Variants in DLC1 observed in about 807,000 individuals in gnomAD.
DLC1 encodes DLC1 Rho GTPase activating protein, also known as rho GTPase-activating protein 7.
A neutral mutation model predicts 140.3 loss-of-function variants in DLC1; 54 were observed. The ratio of observed to expected loss-of-function variants is 0.38; its 90% CI spans 0.31 to 0.48. DLC1 has a LOEUF of 0.48. Among genes scored for constraint, DLC1 ranks in the 20% least tolerant of loss-of-function variants. The pLI, the probability that DLC1 is intolerant of heterozygous loss-of-function variation, is 0.96. For missense variants in DLC1, 2,536 were observed against 1,907.0 expected (o/e 1.33, Z -6.14); for synonymous variants, 986 against 728.1 (o/e 1.35, Z -5.70).
intron 5 of DLC1, among the ~76,000 whole-genome samples, chr8:13,224,117 G>A (rs970926697): frequency 6.6e-6 from 1 of 152,056 alleles, no homozygotes; most frequent in South Asian, 2.1e-4. Flanking sequence ...ATCTGGGATC[G>A]TTCTTTGTTA....
rs1008427638 is a variant in DLC1 at position 13,092,796 on chromosome 8, T to C, written c.3556A>G (p.Ile1186Val). Residue 1186 changes from isoleucine to valine, a missense_variant, in exon 13 of 18, where the codon ATC becomes GTC. Coordinates refer to ENST00000276297, the MANE Select transcript of DLC1 (RefSeq NM_182643.3). ...GGCAGCAGCATGATGGCAGCCTTGA[T>C]GGCCTGCAGGCGCTGGTCCTTGGGC... ...YVPKDQRLQA[I>V]KAAIMLLPDE... 4 of 1,613,876 alleles carry C rather than the reference T, an allele frequency of 2.5e-6. No individual in the cohort carries two copies. The highest frequency in any genetic ancestry group is 3.4e-6 in the Non-Finnish European group (4 of 1,179,946).
At chr8:13,451,775 A>C (rs906774722) in intron 2 of DLC1, among the ~76,000 whole-genome samples, 4 of 152,150 alleles carry the variant, frequency 2.6e-5, no homozygotes, top group Admixed American at 6.5e-5. Context: ...GTGTTGATGG[A>C]CACTTAGGTT....
At position 13,393,639 on chromosome 8, in the gene DLC1, G is replaced by T. The variant is rs752937229; in HGVS notation, c.1228C>A (p.Arg410=). ...GADTISVNQT[R]VNLSSDTEST... is the part of the protein sequence containing the mutation. Reference sequence around the variant, plus strand: ...TCAGTGTCAGAAGACAAATTTACTCGTGTCTGATTTACTGAAATGGTATCT... The same window carrying T: ...TCAGTGTCAGAAGACAAATTTACTCTTGTCTGATTTACTGAAATGGTATCT... The change falls in exon 4 of 18, where the codon CGA becomes AGA. Residue 410 remains arginine (R), a synonymous_variant. Coordinates refer to ENST00000276297, the MANE Select transcript of DLC1 (RefSeq NM_182643.3). 5 of 1,614,056 alleles carry T rather than the reference G, an allele frequency of 3.1e-6. No homozygotes were observed.
At chr8:13,312,015 T>C (rs1379504162) in intron 4 of DLC1, among the ~76,000 whole-genome samples, 1 of 152,200 alleles carries the variant, frequency 6.6e-6, no homozygotes, top group Non-Finnish European at 1.5e-5. Flanking sequence ...CCACTTTCAT[T>C]TGGAAATATG....
At chr8:13,115,370 G>A (rs903558153) in intron 6 of DLC1, among the ~76,000 whole-genome samples, 1 of 152,190 alleles carries the variant, frequency 6.6e-6, no homozygotes. Flanking sequence ...CTTTGGGTAG[G>A]GAGTGGCAGG....
chr8:13,215,659 A>G (rs1261578653), intron 5 of DLC1, among the ~76,000 whole-genome samples: 1 of 152,170 alleles, frequency 6.6e-6, no homozygotes, highest in Non-Finnish European at 1.5e-5. Context: ...CTAGGGAAGC[A>G]AACTTTAAAA....
chr8:13,499,414 C>A lies in DLC1; in HGVS notation c.658G>T (p.Ala220Ser). Reference sequence around the variant, plus strand: ...GAGTTAAGCAATTGTTTCTCAGGTGCAATATCTTTCACGTTCAAAGTATCC... The same window carrying A: ...GAGTTAAGCAATTGTTTCTCAGGTGAAATATCTTTCACGTTCAAAGTATCC... ...AVDTLNVKDIAPEKQLLNSAV... is the reference protein window; with the variant it reads ...AVDTLNVKDISPEKQLLNSAV... Residue 220 changes from alanine (A) to serine (S), a missense_variant, in exon 2 of 18, where the codon GCA (alanine) becomes TCA (serine). Coordinates refer to ENST00000276297, the MANE Select transcript of DLC1 (RefSeq NM_182643.3). 1.9e-6 allele frequency: 3 copies of A among 1,613,770 alleles called. No individual in the cohort carries two copies. Among genetic ancestry groups the A allele is most frequent in the Admixed American group, 3.3e-5 (2 of 59,928 alleles).
chr8:13,559,817 G>T (rs1432172258), intron 1 of DLC1, among the ~76,000 whole-genome samples: 1 of 152,132 alleles, frequency 6.6e-6, no homozygotes, highest in Non-Finnish European at 1.5e-5. Context: ...TCTGTGCTAT[G>T]AAAGGAAACA....
intron 4 of DLC1, among the ~76,000 whole-genome samples, chr8:13,375,050 C>T (rs1341233811): frequency 2.9e-4 from 38 of 129,550 alleles, no homozygotes; most frequent in African/African-American, 8.4e-4. Context: ...TTTTTTGAGA[C>T]GGAGTCTGGC....
chr8:13,457,401 G>A (rs1307414706), intron 2 of DLC1, among the ~76,000 whole-genome samples: 6 of 152,020 alleles, frequency 3.9e-5, no homozygotes, highest in African/African-American at 1.4e-4. Context: ...TGATGTTGCT[G>A]GGCACGGTGG....
At chr8:13,188,397 G>T (rs146121426) in intron 5 of DLC1, among the ~76,000 whole-genome samples, 1,950 of 120,676 alleles carry the variant, frequency 0.016, 58 homozygotes, top group African/African-American at 0.057. Context: ...TCCAGCCTGG[G>T]TGACAGAGCA....
intron 5 of DLC1, among the ~76,000 whole-genome samples, chr8:13,217,841 A>T (rs1044724399): frequency 2.6e-5 from 4 of 151,562 alleles, no homozygotes; most frequent in Non-Finnish European, 5.9e-5. Context: ...CCATTTCAAA[A>T]AAAAAACAAC....
chr8:13,345,547 C>CTTTGTTTTTTTTTTTT (rs1834290759), intron 4 of DLC1, among the ~76,000 whole-genome samples: 1 of 67,520 alleles, frequency 1.5e-5, no homozygotes, highest in Admixed American at 2.5e-4. Context: ...TTCACTCACA[C>CTTTGTTTTTTTTTTTT]TTTTTTTTTT....
intron 2 of DLC1, among the ~76,000 whole-genome samples, chr8:13,494,227 A>G (rs1801394872): frequency 6.6e-6 from 1 of 152,202 alleles, no homozygotes; most frequent in Non-Finnish European, 1.5e-5. Context: ...TTTATGTTAG[A>G]GTGTATTCCT....
intron 1 of DLC1, among the ~76,000 whole-genome samples, chr8:13,538,866 C>T (rs903750356): frequency 6.6e-6 from 1 of 152,150 alleles, no homozygotes; most frequent in Admixed American, 6.5e-5. Flanking sequence ...TCCCACAGTT[C>T]GGCAGATAGT....
At chr8:13,358,414 G>A (rs1417580006) in intron 4 of DLC1, among the ~76,000 whole-genome samples, 1 of 152,156 alleles carries the variant, frequency 6.6e-6, no homozygotes, top group Non-Finnish European at 1.5e-5. Flanking sequence ...GATGGCCTTT[G>A]ACTTGCATTT....
intron 5 of DLC1, among the ~76,000 whole-genome samples, chr8:13,280,085 C>T (rs1238924195): frequency 6.6e-6 from 1 of 150,876 alleles, no homozygotes; most frequent in Non-Finnish European, 1.5e-5. Context: ...CGAGACCATC[C>T]TGGCTAACAC....
intron 1 of DLC1, among the ~76,000 whole-genome samples, chr8:13,531,255 A>G (rs1279967142): frequency 6.6e-6 from 1 of 152,196 alleles, no homozygotes; most frequent in Non-Finnish European, 1.5e-5. Context: ...TGAACAGGCT[A>G]CTACAGCATT....
chr8:13,571,525 A>G (rs1804652442), intron 1 of DLC1, among the ~76,000 whole-genome samples: 1 of 152,232 alleles, frequency 6.6e-6, no homozygotes, highest in Non-Finnish European at 1.5e-5. Context: ...ATGTATCAGA[A>G]CCTCATTTTT....
Sources: gnomAD v4.1 joint callset for allele counts (sites outside exome capture counted in the v4.1 genomes callset) on GRCh38, gnomAD v4.1.1 for gene constraint, MANE v1.5 for transcripts, NCBI Gene and HGNC (gene_info 2026-07-23, HGNC 2026-07-21) for gene names.